The following RNF123 variants were observed in gnomAD, a reference collection of about 807,000 sequenced individuals.
RNF123 encodes ring finger protein 123, also known as E3 ubiquitin-protein ligase RNF123.
A neutral mutation model predicts 168.5 loss-of-function variants in RNF123; 86 were observed. That is an observed-to-expected ratio of 0.51 (90% confidence interval 0.43 to 0.61). The LOEUF is 0.61. Ranked by LOEUF, RNF123 falls within the 20% of genes least tolerant of loss-of-function variation. RNF123 has a pLI of 0.00. For synonymous variants in RNF123, 666 were observed against 689.1 expected (o/e 0.97, Z 0.52); for missense variants, 1,419 against 1,729.7 (o/e 0.82, Z 3.19).
chr3:49,691,023 T>C, intron 1 of RNF123, 107 bp from the exon 2 acceptor site: 1 of 650,758 alleles, frequency 1.5e-6, no homozygotes, highest in East Asian at 2.7e-5. Context: ...TTAGTGTGCA[T>C]GCCCCTGGCC....
At chr3:49,719,944 G>C (rs2080357757) in intron 35 of RNF123, 1 of 170,290 alleles carries the variant, frequency 5.9e-6, no homozygotes, top group Admixed American at 5.4e-5. Flanking sequence ...TTTATTTGAA[G>C]TGACTTTGAA....
At chr3:49,697,327 C>G (rs895539164) in intron 4 of RNF123, 36 bp from the exon 5 acceptor site, 13 of 1,600,336 alleles carry the variant, frequency 8.1e-6, no homozygotes, top group Non-Finnish European at 9.4e-6. Context: ...CTGTCAAATG[C>G]TCCACCCTGC....
intron 22 of RNF123, 45 bp from the exon 23 acceptor site, chr3:49,704,939 G>T: frequency 1.3e-6 from 2 of 1,548,022 alleles, no homozygotes; most frequent in East Asian, 2.4e-5. Flanking sequence ...TGGGCCAAGG[G>T]AACCCTGAGC....
chr3:49,701,100 G>C (rs537784971), intron 15 of RNF123, among the ~76,000 whole-genome samples: 1 of 152,388 alleles, frequency 6.6e-6, no homozygotes, highest in South Asian at 2.1e-4. Context: ...ATAGCTTTGA[G>C]CCCCTGGCTG....
At position 49,714,146 on chromosome 3, in the gene RNF123, T is replaced by C; in HGVS notation, c.2982T>C (p.Leu994=). ...TGCCACATCTGCTGAAAACCAAACT[T>C]GAGGACGCCAATTTGCCCAGCCTCC... ...TRLPHLLKTK[L]EDANLPSLQK... The change falls in exon 31 of 39, where the codon CTT becomes CTC. Residue 994 remains leucine, a synonymous_variant. Coordinates refer to ENST00000327697, the MANE Select transcript of RNF123 (RefSeq NM_022064.5). The C allele has an allele frequency of 6.2e-7, 1 of 1,614,056 alleles. No individual in the cohort carries two copies. The highest frequency in any genetic ancestry group is 8.5e-7 in the Non-Finnish European group (1 of 1,180,014).
At position 49,699,856 on chromosome 3, in the gene RNF123, CT is replaced by C; in HGVS notation, c.984+85del. ...GTGGTAGATGTGCCCTCACTGAGGG[CT>C]GCAGTGCTGAGGTCCCACAGCATCA... On this transcript the variant is annotated intron_variant, in intron 12 of 38. Transcript: ENST00000327697. The surrounding 1 kb of genome is among the most constrained non-coding windows in gnomAD (Gnocchi z 4.8). The C allele has an allele frequency of 4.3e-6, 6 of 1,379,842 alleles. No individual in the cohort carries two copies. The highest frequency in any genetic ancestry group is 2.4e-5 in the East Asian group (1 of 42,542). 85.5% of individuals were successfully genotyped at this position (1,379,842 alleles called of 1,614,324 possible).
At position 49,714,470 on chromosome 3, in the gene RNF123, C is replaced by T. The variant is rs1012381911; in HGVS notation, c.3010+296C>T. 4.6e-5 allele frequency among the ~76,000 whole-genome samples: 7 copies of T among 152,228 alleles called. No homozygotes were observed. In the South Asian group the frequency reaches 1.4e-3, roughly 31 times the overall value. On this transcript the variant is annotated intron_variant, in intron 31 of 38. Coordinates refer to ENST00000327697, the MANE Select transcript of RNF123 (RefSeq NM_022064.5). ...GAGGCGGCACCATGTTCCTGGCCTG[C>T]TACAGCTCATGCAGACTGAATACTC...
At chr3:49,698,929 G>T in intron 9 of RNF123, 51 bp from the exon 10 acceptor site, 6 of 1,608,934 alleles carry the variant, frequency 3.7e-6, no homozygotes, top group Non-Finnish European at 5.1e-6. Flanking sequence ...TAGCCTGAGG[G>T]TGGGCAGCCA....
At chr3:49,719,361 G>A (rs910787142) in intron 35 of RNF123, 1 of 1,613,590 alleles carries the variant, frequency 6.2e-7, no homozygotes, top group African/African-American at 1.3e-5. Context: ...TACATTTGTA[G>A]GGGCAGTTGT....
chr3:49,700,531 A>G lies in RNF123; in HGVS notation c.1170A>G (p.Arg390=), dbSNP rs2054360286. ...TGATGTCTCTGCTTCGGCTGTACCG[A>G]TTCTCACCCATTGTCCCAGACCTGG... ...QLMMSLLRLY[R]FSPIVPDLGL... The change falls in exon 14 of 39, where the codon CGA becomes CGG. Residue 390 remains arginine, a synonymous_variant. Coordinates refer to ENST00000327697, the MANE Select transcript of RNF123 (RefSeq NM_022064.5). 1 of 1,614,148 alleles carries G rather than the reference A, an allele frequency of 6.2e-7. No homozygotes were observed. Among genetic ancestry groups the G allele is most frequent in the East Asian group, 2.2e-5 (1 of 44,870 alleles).
intron 23 of RNF123, 131 bp downstream of exon 23, chr3:49,705,313 G>A (rs1284753589): frequency 4.8e-6 from 6 of 1,255,760 alleles, no homozygotes; most frequent in Non-Finnish European, 6.6e-6. Context: ...CAGGAGTGCA[G>A]GAAGCACACT....
chr3:49,719,677 GC>G, intron 35 of RNF123: 1 of 555,334 alleles, frequency 1.8e-6, no homozygotes, highest in Non-Finnish European at 3.2e-6. Context: ...GGCTTCGCTA[GC>G]CCTCTCCAAG....
At position 49,705,001 on chromosome 3, in the gene RNF123, G is replaced by C. The variant is rs777813536; in HGVS notation, c.1977G>C (p.Leu659=). 1.3e-4 allele frequency: 215 copies of C among 1,606,946 alleles called. No homozygotes were observed. The highest frequency in any genetic ancestry group is 1.8e-4 in the Non-Finnish European group (209 of 1,177,842). ...PAMAQRPMQA[L]AVGGPLPLPR... ...CACTGCAGCGCCCCATGCAGGCCCT[G>C]GCTGTTGGGGGGCCACTGCCCCTGC... Residue 659 remains leucine (L), a synonymous_variant, in exon 23 of 39, where the codon CTG becomes CTC. Transcript: ENST00000327697.
intron 7 of RNF123, 121 bp from the exon 8 acceptor site, chr3:49,698,319 C>G (rs150180251): frequency 5.1e-6 from 5 of 979,102 alleles, no homozygotes; most frequent in Non-Finnish European, 7.9e-6. Flanking sequence ...ACCTCTTACT[C>G]TTTCCCTCAG....
intron 35 of RNF123, chr3:49,717,041 TAAG>T (rs2080261315): frequency 6.5e-6 from 1 of 153,138 alleles, no homozygotes. Flanking sequence ...TGCCAGCCCT[TAAG>T]AGGCTCCTGC....
At position 49,717,007 on chromosome 3, in the gene RNF123, C is replaced by A. The variant is rs547200558; in HGVS notation, c.3500+530C>A. The A allele has an allele frequency of 1.7e-3, 261 of 155,552 alleles. 1 individual carries two copies. Among genetic ancestry groups the A allele is most frequent in the African/African-American group, 6.0e-3 (249 of 41,588 alleles). 9.6% of individuals were successfully genotyped at this position (155,552 alleles called of 1,614,324 possible). On this transcript the variant is annotated intron_variant, in intron 35 of 38. Coordinates refer to ENST00000327697, the MANE Select transcript of RNF123 (RefSeq NM_022064.5). ...AGATGCATATGAAGCCAGGGTACCG[C>A]CTCAGCCATTAGGCTGAGACCAGTG...
chr3:49,705,062 C>T lies in RNF123; in HGVS notation c.2038C>T (p.Arg680Ter), dbSNP rs1212761475. Residue 680 changes from arginine (R) to a stop codon, truncating the protein, a stop_gained, in exon 23 of 39, where the codon CGA becomes TGA. Coordinates refer to ENST00000327697, the MANE Select transcript of RNF123 (RefSeq NM_022064.5). LOFTEE classifies it high-confidence loss of function. Reference sequence around the variant, plus strand: ...CTGGCTCAGTTCTCCAACTTTGGGCCGAGCCAACCGCTTCCTCAGCACAGC... The same window carrying T: ...CTGGCTCAGTTCTCCAACTTTGGGCTGAGCCAACCGCTTCCTCAGCACAGC... ...PGWLSSPTLGRANRFLSTAAV... is the reference protein window; with the variant it reads ...PGWLSSPTLG The T allele has an allele frequency of 2.5e-6, 4 of 1,611,662 alleles. No homozygotes were observed. Among genetic ancestry groups the T allele is most frequent in the Non-Finnish European group, 1.7e-6 (2 of 1,179,224 alleles).
intron 18 of RNF123, 24 bp downstream of exon 18, chr3:49,702,168 G>A (rs778448196): frequency 8.7e-6 from 14 of 1,613,060 alleles, no homozygotes; most frequent in Non-Finnish European, 1.2e-5. Flanking sequence ...AGGAGCCCTG[G>A]GTGGGGCCCT....
chr3:49,706,572 G>A (rs1408397066), intron 25 of RNF123, among the ~76,000 whole-genome samples: 1 of 152,220 alleles, frequency 6.6e-6, no homozygotes, highest in Non-Finnish European at 1.5e-5. Flanking sequence ...CCCCCAGCTG[G>A]GCCTCACTTC....
Sources: allele counts gnomAD v4.1 joint callset (sites outside exome capture counted in the v4.1 genomes callset), GRCh38; gene constraint gnomAD v4.1.1; non-coding constraint Gnocchi (gnomAD v3.1); transcripts MANE v1.5; gene names NCBI Gene and HGNC (gene_info 2026-07-23, HGNC 2026-07-21).